Variants in COL27A1 observed in about 807,000 individuals in gnomAD.
COL27A1 encodes the protein collagen type XXVII alpha 1 chain.
Under a neutral mutation model 251.3 loss-of-function variants are expected in COL27A1, and 106 were observed. The ratio of observed to expected loss-of-function variants is 0.42; its 90% CI spans 0.36 to 0.50. The LOEUF is 0.50. COL27A1 is among the 20% of genes least tolerant of loss of function. The pLI is 0.00. For synonymous variants in COL27A1, 1,000 were observed against 986.3 expected (o/e 1.01, Z -0.26); for missense variants, 2,325 against 2,522.8 (o/e 0.92, Z 1.68).
At position 114,252,920 on chromosome 9, in the gene COL27A1, G is replaced by T. The variant is rs1220783728; in HGVS notation, c.3129G>T (p.Glu1043Asp). The change falls in exon 27 of 61, where the codon GAG becomes GAT. Residue 1043 changes from glutamate to aspartate, a missense_variant. Transcript: ENST00000356083. ...CAGGTGGTATGGGGACCCCTGGAGA[G>T]CCTGGACCCCAGGTAAGCAAAGCCC... ...GMPGGMGTPG[E>D]PGPQGPPGSR... 1.9e-6 allele frequency: 3 copies of T among 1,613,264 alleles called. No individual in the cohort carries two copies. The highest frequency in any genetic ancestry group is 2.5e-6 in the Non-Finnish European group (3 of 1,179,520).
chr9:114,263,632 T>G (rs1834513751), intron 28 of COL27A1, among the ~76,000 whole-genome samples: 1 of 152,108 alleles, frequency 6.6e-6, no homozygotes, highest in Admixed American at 6.5e-5. Flanking sequence ...TGGCTGGGCC[T>G]TAGTATTCCC....
Position 114,282,297 on chromosome 9 carries a change from G to A in COL27A1, c.3738G>A (p.Gly1246=), listed in dbSNP as rs531450041. Residue 1246 remains glycine (G), a synonymous_variant, in exon 38 of 61, where the codon GGG becomes GGA. Coordinates refer to ENST00000356083, the MANE Select transcript of COL27A1 (RefSeq NM_032888.4). ...TTCAGGGTCCTGAAGGAAAATCAGG[G>A]AAGCAAGGCGAGAAGGGCCGCACTG... is the stretch of plus-strand genomic sequence containing the variant. ...TGVRGPEGKS[G]KQGEKGRTGA... 1 of 1,613,996 alleles carries A rather than the reference G, an allele frequency of 6.2e-7. No homozygotes were observed. Among genetic ancestry groups the A allele is most frequent in the East Asian group, 2.2e-5 (1 of 44,880 alleles).
Position 114,184,340 on chromosome 9 carries a change from T to C in COL27A1, c.2016+1265T>C, listed in dbSNP as rs185433098. Reference sequence around the variant, plus strand: ...CTGAGCAGCCTCTAAAGCCCATCTCTCCTGAGTCATGGAGTAGGGCTCCTT... The same window carrying C: ...CTGAGCAGCCTCTAAAGCCCATCTCCCCTGAGTCATGGAGTAGGGCTCCTT... On this transcript the variant is annotated intron_variant, in intron 5 of 60. Coordinates refer to ENST00000356083, the MANE Select transcript of COL27A1 (RefSeq NM_032888.4). 3.7e-4 allele frequency among the ~76,000 whole-genome samples: 57 copies of C among 152,362 alleles called. 1 individual carries two copies. In the East Asian group the frequency reaches 9.4e-3, roughly 25 times the overall value.
Position 114,155,757 on chromosome 9 carries a change from C to T in COL27A1, c.-194C>T. On this transcript the variant is annotated 5_prime_UTR_variant, in exon 1 of 61. Coordinates refer to ENST00000356083, the MANE Select transcript of COL27A1 (RefSeq NM_032888.4). This position sits in a 1 kb window ranked among gnomAD's most constrained non-coding sequence, Gnocchi z 5.5. ...GCGCCCGGACTCCTGGGACCATGGG[C>T]CTGGCGCGGGCGCCCGCGGGGCCCC... is the stretch of plus-strand genomic sequence containing the variant. 5.8e-6 allele frequency: 1 copy of T among 172,122 alleles called. No individual in the cohort carries two copies. Among genetic ancestry groups the T allele is most frequent in the Non-Finnish European group, 1.1e-5 (1 of 87,772 alleles). 10.7% of individuals were successfully genotyped at this position (172,122 alleles called of 1,614,324 possible).
chr9:114,187,941 A>G (rs1828495014), intron 5 of COL27A1, among the ~76,000 whole-genome samples: 1 of 152,256 alleles, frequency 6.6e-6, no homozygotes, highest in Non-Finnish European at 1.5e-5. Flanking sequence ...ATGTGGTCTC[A>G]GGAGTCAGTG....
chr9:114,241,417 G>A (rs566677692), intron 21 of COL27A1, among the ~76,000 whole-genome samples: 7 of 152,358 alleles, frequency 4.6e-5, no homozygotes, highest in Middle Eastern at 3.4e-3. Context: ...CCTGGAAGCT[G>A]GGGAAAAGGA....
chr9:114,257,137 G>A (rs896866703), intron 27 of COL27A1, among the ~76,000 whole-genome samples: 4 of 152,220 alleles, frequency 2.6e-5, no homozygotes, highest in Admixed American at 2.6e-4. Flanking sequence ...AAAGCCATGG[G>A]GAAAGGGAAA....
rs764138431 is a variant in COL27A1, at chr9:114,306,643, C to A, written c.5062C>A (p.Arg1688=). 1.9e-6 allele frequency: 3 copies of A among 1,614,014 alleles called. No individual in the cohort carries two copies. Among genetic ancestry groups the A allele is most frequent in the Admixed American group, 3.3e-5 (2 of 60,000 alleles). Residue 1688 remains arginine, a synonymous_variant, in exon 58 of 61, where the codon CGG becomes AGG. Coordinates refer to ENST00000356083, the MANE Select transcript of COL27A1 (RefSeq NM_032888.4). ...CCTGGGCACCAAAGAGAACCCCGCC[C>A]GGGTCTGCAGGGACCTCATGGACTG... The part of the protein sequence containing the change: ...TPLGTKENPA[R]VCRDLMDCEQ...
At chr9:114,247,870 G>A (rs751139453) in intron 24 of COL27A1, among the ~76,000 whole-genome samples, 1 of 152,182 alleles carries the variant, frequency 6.6e-6, no homozygotes, top group Non-Finnish European at 1.5e-5. Context: ...TACTGGGTCG[G>A]TGCAAAAGTA....
intron 37 of COL27A1, among the ~76,000 whole-genome samples, chr9:114,278,470 AT>A (rs1835679991): frequency 9.6e-6 from 1 of 104,414 alleles, no homozygotes; most frequent in Non-Finnish European, 2.1e-5. Context: ...GGTGGTGGTG[AT>A]GGTGGTGGTG....
At chr9:114,266,457 T>C in intron 32 of COL27A1, 108 bp from the exon 33 acceptor site, 1 of 869,590 alleles carries the variant, frequency 1.1e-6, no homozygotes, top group Non-Finnish European at 1.8e-6. Flanking sequence ...AGGGGTGTGC[T>C]TCAGAGTCCC....
At chr9:114,170,783 G>A (rs1057222042) in intron 3 of COL27A1, among the ~76,000 whole-genome samples, 2 of 152,244 alleles carry the variant, frequency 1.3e-5, no homozygotes, top group Non-Finnish European at 2.9e-5. Context: ...AAAGAACGAG[G>A]AACCCTTTTC....
intron 1 of COL27A1, among the ~76,000 whole-genome samples, chr9:114,162,410 C>G (rs1310806266): frequency 6.6e-6 from 1 of 152,222 alleles, no homozygotes; most frequent in Non-Finnish European, 1.5e-5. Context: ...CCTAGATGTT[C>G]CAATGACCAG....
intron 17 of COL27A1, 56 bp downstream of exon 17, chr9:114,235,708 C>G: frequency 7.2e-7 from 1 of 1,388,114 alleles, no homozygotes; most frequent in Non-Finnish European, 1.0e-6. Flanking sequence ...TGCTGTTCCC[C>G]TGGTCTTGGC....
intron 5 of COL27A1, among the ~76,000 whole-genome samples, chr9:114,193,563 T>C (rs1038001455): frequency 6.6e-6 from 1 of 152,146 alleles, no homozygotes; most frequent in African/African-American, 2.4e-5. Flanking sequence ...ATGCTTCATC[T>C]TGAGGCCCTA....
intron 49 of COL27A1, among the ~76,000 whole-genome samples, chr9:114,294,602 T>A (rs1828144449): frequency 6.6e-6 from 1 of 152,250 alleles, no homozygotes. Flanking sequence ...CATTTGATCA[T>A]CTCAGTAGTT....
chr9:114,198,619 T>C (rs900825133), intron 7 of COL27A1, among the ~76,000 whole-genome samples: 3 of 152,232 alleles, frequency 2.0e-5, no homozygotes, highest in African/African-American at 7.2e-5. Flanking sequence ...CTTCTGACCC[T>C]CAGGCCCTTT....
intron 33 of COL27A1, among the ~76,000 whole-genome samples, chr9:114,266,877 G>A (rs1834781849): frequency 6.6e-6 from 1 of 152,152 alleles, no homozygotes. Flanking sequence ...GTGGGGGTTG[G>A]CATTGCCTCT....
chr9:114,249,257 A>G (rs1833362002), intron 24 of COL27A1, among the ~76,000 whole-genome samples: 1 of 152,240 alleles, frequency 6.6e-6, no homozygotes. Flanking sequence ...TAATTTTTAA[A>G]AATAAGTTGT....
Sources: allele counts gnomAD v4.1 joint callset (sites outside exome capture counted in the v4.1 genomes callset), GRCh38; gene constraint gnomAD v4.1.1; non-coding constraint Gnocchi (gnomAD v3.1); transcripts MANE v1.5; gene names NCBI Gene and HGNC (gene_info 2026-07-23, HGNC 2026-07-21).